FRYL: variants seen among roughly 807,000 people sequenced by gnomAD.
The protein encoded by FRYL is protein furry homolog-like.
A neutral mutation model predicts 351.2 loss-of-function variants in FRYL; 150 were observed. That is an observed-to-expected ratio of 0.43 (90% CI 0.37 to 0.49). The LOEUF is 0.49. Among genes scored for constraint, FRYL ranks in the 20% least tolerant of loss-of-function variants. The probability of loss-of-function intolerance (pLI) is 0.00; values close to 1 mark genes in which losing one functional copy is unlikely to be tolerated. For missense variants in FRYL, 3,036 were observed against 3,619.3 expected (o/e 0.84, Z 4.13); for synonymous variants, 1,153 against 1,257.1 (o/e 0.92, Z 1.75).
intron 2 of FRYL, among the ~76,000 whole-genome samples, chr4:48,693,045 T>C (rs1343220342): frequency 1.3e-5 from 2 of 152,220 alleles, no homozygotes; most frequent in African/African-American, 4.8e-5. Flanking sequence ...TACTGACCTA[T>C]GTGGAATGCA....
intron 50 of FRYL, among the ~76,000 whole-genome samples, chr4:48,530,839 G>A (rs1727402865): frequency 6.6e-6 from 1 of 152,134 alleles, no homozygotes; most frequent in Non-Finnish European, 1.5e-5. Flanking sequence ...TTAGATAGAT[G>A]CTACATACTC....
chr4:48,594,209 T>C (rs574511560), intron 15 of FRYL, among the ~76,000 whole-genome samples, 193 bp from the exon 16 acceptor site: 84 of 152,272 alleles, frequency 5.5e-4, no homozygotes, highest in Middle Eastern at 3.4e-3. Context: ...ATCAAATGAT[T>C]TGTTTAATAC....
chr4:48,646,380 C>T (rs1217290118), intron 3 of FRYL, among the ~76,000 whole-genome samples: 1 of 152,106 alleles, frequency 6.6e-6, no homozygotes, highest in Non-Finnish European at 1.5e-5. Context: ...CTGTAAAAAC[C>T]CTTAAAACTT....
At chr4:48,511,684 C>T (rs751498159) in intron 57 of FRYL, among the ~76,000 whole-genome samples, 2 of 152,094 alleles carry the variant, frequency 1.3e-5, no homozygotes, top group Non-Finnish European at 2.9e-5. Flanking sequence ...AGTAGTGATG[C>T]AATAAGTACA....
chr4:48,518,732 G>A (rs1468544167), intron 55 of FRYL, among the ~76,000 whole-genome samples: 1 of 152,098 alleles, frequency 6.6e-6, no homozygotes, highest in African/African-American at 2.4e-5. Flanking sequence ...AATCTTCAAG[G>A]GGTGGGCTGG....
chr4:48,706,785 G>A (rs1386160827), intron 2 of FRYL, among the ~76,000 whole-genome samples: 1 of 152,122 alleles, frequency 6.6e-6, no homozygotes, highest in Admixed American at 6.5e-5. Context: ...ACAACCAGCT[G>A]CCCATGTTGT....
At chr4:48,523,746 T>C (rs1725383580) in intron 53 of FRYL, among the ~76,000 whole-genome samples, 1 of 152,188 alleles carries the variant, frequency 6.6e-6, no homozygotes, top group Non-Finnish European at 1.5e-5. Flanking sequence ...AACACAAACT[T>C]TAAGAAAATC....
intron 9 of FRYL, among the ~76,000 whole-genome samples, chr4:48,607,617 CT>C (rs35939340): frequency 6.6e-6 from 1 of 152,136 alleles, no homozygotes. Context: ...CCTTTATCTC[CT>C]TCTCTTCCCC....
chr4:48,498,896 T>G lies in FRYL; in HGVS notation c.*526A>C, dbSNP rs529769625. 2 of 158,484 alleles carry G rather than the reference T, an allele frequency of 1.3e-5. No homozygotes were observed. Among genetic ancestry groups the G allele is most frequent in the East Asian group, 3.7e-4 (2 of 5,340 alleles). The allele number at this position is 158,484 out of a possible 1,614,324, so 9.8% of individuals were successfully genotyped here. ...AACCCTTATCCCACATACTGAAAAA[T>G]CAATGGTTTTTGCAAACGAGTCTTG... On this transcript the variant is annotated 3_prime_UTR_variant, in exon 64 of 64. Transcript: ENST00000358350.
intron 2 of FRYL, among the ~76,000 whole-genome samples, chr4:48,693,226 G>A (rs1765833383): frequency 1.3e-5 from 2 of 151,426 alleles, no homozygotes; most frequent in African/African-American, 2.4e-5. Flanking sequence ...CCTTTATATC[G>A]CTCTAACATC....
chr4:48,716,046 T>C (rs1035826349), intron 1 of FRYL, among the ~76,000 whole-genome samples: 1 of 152,282 alleles, frequency 6.6e-6, no homozygotes, highest in Non-Finnish European at 1.5e-5. Flanking sequence ...ATTTAATAAA[T>C]GGTGCTGGGA....
intron 7 of FRYL, among the ~76,000 whole-genome samples, chr4:48,614,078 C>A (rs1483209821): frequency 6.6e-6 from 1 of 151,816 alleles, no homozygotes. Flanking sequence ...TACATCTTAT[C>A]TTTAATTTTA....
intron 9 of FRYL, among the ~76,000 whole-genome samples, chr4:48,608,000 C>G (rs1040753079): frequency 1.6e-4 from 25 of 152,138 alleles, no homozygotes; most frequent in African/African-American, 5.5e-4. Context: ...CTGCTCATAT[C>G]TATGTTTTTG....
At chr4:48,772,124 T>C (rs534337657) in intron 1 of FRYL, among the ~76,000 whole-genome samples, 2 of 152,374 alleles carry the variant, frequency 1.3e-5, no homozygotes, top group Non-Finnish European at 2.9e-5. Context: ...AAGTAAGGTA[T>C]AAGTATTAAT....
In FRYL at chr4:48,676,368, C is replaced by G. The variant is rs543598739; in HGVS notation, c.-81+8305G>C. On this transcript the variant is annotated intron_variant, in intron 3 of 63. Coordinates refer to ENST00000358350, the MANE Select transcript of FRYL (RefSeq NM_015030.2). The stretch of plus-strand genomic sequence containing the variant: ...CAGAAAGAAGAAACTCCCAACACAT[C>G]TGAACATCAGAAGGGACAGACTCCA... Among the ~76,000 whole-genome samples the G allele has an allele frequency of 2.0e-5, 3 of 152,246 alleles. No individual in the cohort carries two copies. In the South Asian group the frequency reaches 6.2e-4, roughly 32 times the overall value.
chr4:48,561,408 A>G (rs1258627977), intron 33 of FRYL, 60 bp downstream of exon 33: 2 of 1,135,336 alleles, frequency 1.8e-6, no homozygotes, highest in Non-Finnish European at 2.4e-6. Context: ...AATTTTCTAA[A>G]AATTGTTTCT....
At chr4:48,546,510 C>T in intron 41 of FRYL, 2 of 452,778 alleles carry the variant, frequency 4.4e-6, no homozygotes, top group Middle Eastern at 5.9e-4. Context: ...CTATGCAGTC[C>T]TCTGCCGCCA....
chr4:48,506,368 TAAAAACATAAAATAAA>T (rs1720923691), intron 59 of FRYL: 1 of 151,236 alleles, frequency 6.6e-6, no homozygotes, highest in South Asian at 2.1e-4. Context: ...ACCCTGTCTC[TAAAAACATAAAATAAA>T]AAAAAAGGAA....
chr4:48,585,073 A>G (rs1422129984), intron 19 of FRYL, among the ~76,000 whole-genome samples: 1 of 152,146 alleles, frequency 6.6e-6, no homozygotes, highest in African/African-American at 2.4e-5. Context: ...AAGATGGGAG[A>G]TCTACTCTTG....
Sources: allele counts gnomAD v4.1 joint callset (sites outside exome capture counted in the v4.1 genomes callset), GRCh38; gene constraint gnomAD v4.1.1; transcripts MANE v1.5; gene names NCBI Gene and HGNC (gene_info 2026-07-23, HGNC 2026-07-21).